REEP1: variants seen among roughly 807,000 people sequenced by gnomAD.
The protein encoded by REEP1 is receptor expression-enhancing protein 1.
In REEP1, 22 loss-of-function variants were observed where a neutral mutation model predicts 40.3. The ratio of observed to expected loss-of-function variants is 0.55; its 90% confidence interval spans 0.39 to 0.78. REEP1 has a LOEUF of 0.78. Among genes scored for constraint, REEP1 ranks in the 30% least tolerant of loss-of-function variants. REEP1 has a pLI of 0.00. For missense variants in REEP1, 280 were observed against 361.1 expected (o/e 0.78, Z 1.82); for synonymous variants, 116 against 139.2 (o/e 0.83, Z 1.17).
At chr2:86,303,331 C>A (rs1470181992) in intron 1 of REEP1, among the ~76,000 whole-genome samples, 1 of 150,832 alleles carries the variant, frequency 6.6e-6, no homozygotes, top group Non-Finnish European at 1.5e-5. Context: ...ATTCTCGTGC[C>A]TCAGGCTCCT....
At chr2:86,326,689 G>A (rs1036107989) in intron 1 of REEP1, among the ~76,000 whole-genome samples, 13 of 151,580 alleles carry the variant, frequency 8.6e-5, no homozygotes, top group Non-Finnish European at 1.5e-4. Flanking sequence ...TCCAGCCTGG[G>A]CGACAAGAGT....
chr2:86,222,453 T>C (rs1349298935), intron 7 of REEP1, among the ~76,000 whole-genome samples: 1 of 152,252 alleles, frequency 6.6e-6, no homozygotes, highest in Non-Finnish European at 1.5e-5. Flanking sequence ...CTGTGTCCGC[T>C]GAGCATTTCT....
At chr2:86,222,626 G>C (rs1002298214) in intron 7 of REEP1, among the ~76,000 whole-genome samples, 3 of 152,182 alleles carry the variant, frequency 2.0e-5, no homozygotes, top group African/African-American at 7.2e-5. Context: ...GAAGCCAGGT[G>C]TCTCAACAGT....
Position 86,214,989 on chromosome 2 carries a change from C to CAA in REEP1, c.*2048_*2049dup, listed in dbSNP as rs200132323. 107 of 92,554 alleles carry CAA rather than the reference C, an allele frequency of 1.2e-3. 1 individual carries two copies. Among genetic ancestry groups the CAA allele is most frequent in the Admixed American group, 2.5e-3 (23 of 9,258 alleles). 5.7% of individuals were successfully genotyped at this position (92,554 alleles called of 1,614,324 possible). The stretch of plus-strand genomic sequence containing the variant: ...TGCTAAAGGCAATTTATTGTTTCGG[C>CAA]AAAAAAAAAAAAATTGCTAAGAAGC... On this transcript the variant is annotated 3_prime_UTR_variant, in exon 9 of 9. Coordinates refer to ENST00000538924, the MANE Select transcript of REEP1 (RefSeq NM_001371279.1).
At chr2:86,245,007 G>A (rs537560333) in intron 5 of REEP1, among the ~76,000 whole-genome samples, 69 of 152,300 alleles carry the variant, frequency 4.5e-4, no homozygotes, top group African/African-American at 1.5e-3. Context: ...CTAGCCAGGC[G>A]TGGGGGCAGG....
chr2:86,230,152 G>C (rs141745924), intron 6 of REEP1, among the ~76,000 whole-genome samples: 3 of 152,202 alleles, frequency 2.0e-5, no homozygotes, highest in Non-Finnish European at 4.4e-5. Context: ...GGCAGGGGAC[G>C]TCATCACCTC....
chr2:86,216,767 C>G lies in REEP1; in HGVS notation c.*272G>C, dbSNP rs573095327. ...AAAAACACACTGCTGTCTATAATGA[C>G]AATCCAATTGTGGAAAATTACCAAC... On this transcript the variant is annotated 3_prime_UTR_variant, in exon 9 of 9. Coordinates refer to ENST00000538924, the MANE Select transcript of REEP1 (RefSeq NM_001371279.1). 2.3e-6 allele frequency: 1 copy of G among 434,612 alleles called. No individual in the cohort carries two copies. Among genetic ancestry groups the G allele is most frequent in the East Asian group, 4.1e-5 (1 of 24,516 alleles). 26.9% of individuals were successfully genotyped at this position (434,612 alleles called of 1,614,324 possible).
chr2:86,229,713 G>A (rs2003931), intron 6 of REEP1, among the ~76,000 whole-genome samples: 54,288 of 149,766 alleles, frequency 0.36, 10,221 homozygotes, highest in East Asian at 0.62. Flanking sequence ...CGATTCAAGC[G>A]ATTCTCCTGC....
chr2:86,236,089 G>A (rs907577520), intron 5 of REEP1, among the ~76,000 whole-genome samples: 6 of 152,018 alleles, frequency 3.9e-5, no homozygotes, highest in Non-Finnish European at 5.9e-5. Context: ...GGTGGTGCAC[G>A]CCTGTAATCT....
chr2:86,308,463 G>T (rs567847576), intron 1 of REEP1, among the ~76,000 whole-genome samples: 8 of 152,338 alleles, frequency 5.3e-5, no homozygotes, highest in African/African-American at 1.9e-4. Flanking sequence ...GCTGAGGTGG[G>T]ACGATCGCTT....
Position 86,288,074 on chromosome 2 carries a change from G to A in REEP1, c.33-5832C>T, listed in dbSNP as rs901949354. 9.9e-4 allele frequency among the ~76,000 whole-genome samples: 148 copies of A among 149,592 alleles called. 8 individuals are homozygous for A. Among genetic ancestry groups the A allele is most frequent in the African/African-American group, 3.7e-3 (146 of 39,136 alleles). ...TCTCGCTCCCATTGTGCAGGCTGGA[G>A]TGCAGTGGCACAATCTCAGCTCACT... On this transcript the variant is annotated intron_variant, in intron 1 of 8. Transcript: ENST00000538924.
intron 1 of REEP1, among the ~76,000 whole-genome samples, chr2:86,302,284 T>A (rs1291253662): frequency 6.6e-6 from 1 of 152,216 alleles, no homozygotes; most frequent in Non-Finnish European, 1.5e-5. Context: ...GGTTTTTCTC[T>A]ACAACCTGGC....
intron 2 of REEP1, among the ~76,000 whole-genome samples, chr2:86,279,748 G>C (rs902497822): frequency 1.7e-4 from 26 of 152,150 alleles, no homozygotes; most frequent in African/African-American, 6.3e-4. Flanking sequence ...AAGAATCCAG[G>C]AATGGCCTCT....
intron 1 of REEP1, among the ~76,000 whole-genome samples, chr2:86,309,981 G>T (rs1679683313): frequency 6.6e-6 from 1 of 152,106 alleles, no homozygotes. Context: ...GAGAGGGCAG[G>T]TCGTGCAGCA....
chr2:86,289,553 T>C (rs1678584859), intron 1 of REEP1, among the ~76,000 whole-genome samples: 1 of 152,192 alleles, frequency 6.6e-6, no homozygotes, highest in African/African-American at 2.4e-5. Flanking sequence ...AATTTCATGA[T>C]AGTTTGTCAA....
intron 1 of REEP1, among the ~76,000 whole-genome samples, chr2:86,285,638 C>A (rs1678346211): frequency 6.6e-6 from 1 of 152,170 alleles, no homozygotes; most frequent in Non-Finnish European, 1.5e-5. Context: ...GACAACAGAG[C>A]CTGCCTTCTC....
intron 1 of REEP1, among the ~76,000 whole-genome samples, chr2:86,288,797 C>T (rs1314856925): frequency 5.7e-5 from 2 of 34,958 alleles, no homozygotes; most frequent in Non-Finnish European, 1.9e-4. Flanking sequence ...ATTTTTGCCA[C>T]TGTGATGGGT....
At chr2:86,281,301 C>G (rs1185408527) in intron 2 of REEP1, among the ~76,000 whole-genome samples, 2 of 152,168 alleles carry the variant, frequency 1.3e-5, no homozygotes, top group Non-Finnish European at 2.9e-5. Context: ...CCCAGATCCC[C>G]TTCCTATGTG....
At chr2:86,269,021 G>A (rs1253911181) in intron 2 of REEP1, among the ~76,000 whole-genome samples, 1 of 152,114 alleles carries the variant, frequency 6.6e-6, no homozygotes, top group Non-Finnish European at 1.5e-5. Context: ...CAAAGCACAA[G>A]ACTAAAAAAC....
Sources: allele counts gnomAD v4.1 joint callset (sites outside exome capture counted in the v4.1 genomes callset), GRCh38; gene constraint gnomAD v4.1.1; transcripts MANE v1.5; gene names NCBI Gene and HGNC (gene_info 2026-07-23, HGNC 2026-07-21).